Variants in ESYT2 observed in about 807,000 individuals in gnomAD.
ESYT2 encodes extended synaptotagmin-2.
In ESYT2, 54 loss-of-function variants were observed where a neutral mutation model predicts 107.2. The ratio of observed to expected loss-of-function variants is 0.50; its 90% confidence interval spans 0.40 to 0.63. ESYT2 has a LOEUF of 0.63. Among genes scored for constraint, ESYT2 ranks in the 30% least tolerant of loss-of-function variants. The pLI, the probability that ESYT2 is intolerant of heterozygous loss-of-function variation, is 0.00. For missense variants in ESYT2, 1,020 were observed against 1,094.5 expected, an observed-to-expected ratio of 0.93 and a Z score of 0.96; for synonymous variants, 491 against 434.1, an observed-to-expected ratio of 1.13 and a Z score of -1.63.
intron 17 of ESYT2, among the ~76,000 whole-genome samples, chr7:158,742,159 C>T (rs947762647): frequency 3.9e-5 from 6 of 152,162 alleles, no homozygotes; most frequent in East Asian, 1.9e-4. Context: ...CGCACTACAC[C>T]ACAAGCTCCT....
At chr7:158,770,330 AATTT>A (rs1219920841) in intron 7 of ESYT2, among the ~76,000 whole-genome samples, 6 of 137,552 alleles carry the variant, frequency 4.4e-5, no homozygotes, top group Non-Finnish European at 8.1e-5. Flanking sequence ...ATGTAAACAT[AATTT>A]ATTATATAAA....
At chr7:158,802,412 C>T (rs1242916549) in intron 1 of ESYT2, among the ~76,000 whole-genome samples, 1 of 152,144 alleles carries the variant, frequency 6.6e-6, no homozygotes, top group East Asian at 1.9e-4. Context: ...TCTCGAGTAG[C>T]TGGGACTACA....
rs1839348409 is a variant in ESYT2 at position 158,792,886 on chromosome 7, AGCCT to A, written c.584+760_584+763del. ...CAGGTTCACACCACTCTCCTGCCTC[AGCCT>A]CCCGAGTAGCTGGGACTACAGGCGC... On this transcript the variant is annotated intron_variant, in intron 4 of 22. Transcript: ENST00000275418. Among the ~76,000 whole-genome samples the A allele has an allele frequency of 2.7e-5, 4 of 148,306 alleles. No individual in the cohort carries two copies. In the Admixed American group the frequency reaches 2.8e-4, roughly 10 times the overall value.
At chr7:158,747,027 G>C (rs1837425446) in intron 16 of ESYT2, among the ~76,000 whole-genome samples, 1 of 144,872 alleles carries the variant, frequency 6.9e-6, no homozygotes. Flanking sequence ...ACTCCAGCCT[G>C]GGTAACAGAG....
chr7:158,803,193 C>A (rs1839697184), intron 1 of ESYT2, among the ~76,000 whole-genome samples: 1 of 152,262 alleles, frequency 6.6e-6, no homozygotes, highest in African/African-American at 2.4e-5. Context: ...GTGAGAGGGT[C>A]ACCCATTTAC....
intron 7 of ESYT2, among the ~76,000 whole-genome samples, chr7:158,773,090 C>T (rs1228027317): frequency 6.6e-6 from 1 of 152,124 alleles, no homozygotes; most frequent in African/African-American, 2.4e-5. Context: ...GGTGAACAAA[C>T]GCAAATGAAG....
chr7:158,748,409 T>C (rs1837475478), intron 15 of ESYT2, 129 bp from the exon 16 acceptor site: 1 of 701,018 alleles, frequency 1.4e-6, no homozygotes, highest in South Asian at 1.9e-5. Context: ...GAAGCTTAGG[T>C]TGACCTTAAT....
At chr7:158,819,311 T>G (rs1840227533) in intron 1 of ESYT2, among the ~76,000 whole-genome samples, 1 of 152,228 alleles carries the variant, frequency 6.6e-6, no homozygotes, top group African/African-American at 2.4e-5. Flanking sequence ...GACACAGATC[T>G]AATAAATAGC....
At chr7:158,764,973 C>G in intron 8 of ESYT2, 120 bp from the exon 9 acceptor site, 1 of 947,094 alleles carries the variant, frequency 1.1e-6, no homozygotes, top group Non-Finnish European at 1.6e-6. Flanking sequence ...TAAAGACCCT[C>G]TTCTGGTGCC....
intron 14 of ESYT2, among the ~76,000 whole-genome samples, chr7:158,750,601 T>C (rs143816335): frequency 7.4e-4 from 112 of 152,334 alleles, no homozygotes; most frequent in African/African-American, 2.6e-3. Flanking sequence ...CCTACTGCAA[T>C]AATCTATTTT....
chr7:158,797,957 G>C lies in ESYT2; in HGVS notation c.492C>G (p.Val164=). 2 of 1,613,928 alleles carry C rather than the reference G, an allele frequency of 1.2e-6. No homozygotes were observed. Among genetic ancestry groups the C allele is most frequent in the Non-Finnish European group, 1.7e-6 (2 of 1,179,870 alleles). ...THLSTFSFTK[V]DVGQQPLRIN... ...GAACACTGACCTGCTGGCCCACGTC[G>C]ACCTTCGTGAAACTAAAGGTGCTAA... Residue 164 remains valine (V), a synonymous_variant, in exon 3 of 23, where the codon GTC becomes GTG. Transcript: ENST00000275418.
intron 19 of ESYT2, among the ~76,000 whole-genome samples, chr7:158,738,619 T>TG (rs1563615325): frequency 6.6e-6 from 1 of 151,422 alleles, no homozygotes; most frequent in African/African-American, 2.4e-5. Flanking sequence ...CACACGTGGC[T>TG]AGTTTGTATT....
intron 1 of ESYT2, among the ~76,000 whole-genome samples, chr7:158,817,559 C>G (rs1264244024): frequency 6.6e-6 from 1 of 152,220 alleles, no homozygotes; most frequent in African/African-American, 2.4e-5. Context: ...GGTGTCCCAC[C>G]TTTCTGAACC....
intron 16 of ESYT2, among the ~76,000 whole-genome samples, chr7:158,746,229 G>GACACACAC (rs55828446): frequency 0.012 from 1,711 of 147,980 alleles, 33 homozygotes; most frequent in African/African-American, 0.035. Context: ...TACATAAATA[G>GACACACAC]ACACACACAC....
chr7:158,742,838 C>T (rs1837262302), intron 17 of ESYT2, among the ~76,000 whole-genome samples: 1 of 152,218 alleles, frequency 6.6e-6, no homozygotes, highest in Non-Finnish European at 1.5e-5. Context: ...AGAAGAAAGG[C>T]CAAGGAGCCT....
At chr7:158,797,306 C>G (rs1359384366) in intron 3 of ESYT2, among the ~76,000 whole-genome samples, 1 of 152,102 alleles carries the variant, frequency 6.6e-6, no homozygotes, top group Admixed American at 6.6e-5. Flanking sequence ...CACCACCACA[C>G]CCAGCTAACT....
intron 6 of ESYT2, among the ~76,000 whole-genome samples, chr7:158,785,249 C>T (rs1839068105): frequency 2.0e-5 from 3 of 152,004 alleles, no homozygotes. Context: ...ATGGTGAAAC[C>T]CCGTCTCTAC....
chr7:158,820,836 T>G (rs559852058), intron 1 of ESYT2, among the ~76,000 whole-genome samples: 1 of 152,200 alleles, frequency 6.6e-6, no homozygotes. Flanking sequence ...ATTCATACTA[T>G]GACTAATGCT....
chr7:158,759,363 C>A, intron 13 of ESYT2, 123 bp downstream of exon 13: 2 of 712,782 alleles, frequency 2.8e-6, no homozygotes, highest in South Asian at 4.2e-5. Flanking sequence ...TGCACTTGGA[C>A]GTGAAGTGAA....
Sources: gnomAD v4.1 joint callset for allele counts (sites outside exome capture counted in the v4.1 genomes callset) on GRCh38, gnomAD v4.1.1 for gene constraint, MANE v1.5 for transcripts, NCBI Gene and HGNC (gene_info 2026-07-23, HGNC 2026-07-21) for gene names.